Variants in VDAC1 observed in about 807,000 individuals in gnomAD.
VDAC1 encodes the protein non-selective voltage-gated ion channel VDAC1.
Under a neutral mutation model 34.7 loss-of-function variants are expected in VDAC1, and 10 were observed. That is an observed-to-expected ratio of 0.29 (90% CI 0.18 to 0.49). The LOEUF (loss-of-function observed/expected upper bound fraction) is 0.49, where lower values mean the gene tolerates loss of function less well. Among genes scored for constraint, VDAC1 ranks in the 20% least tolerant of loss-of-function variants. VDAC1 has a pLI of 0.99. For missense variants in VDAC1, 230 were observed against 347.9 expected (o/e 0.66, Z 2.69); for synonymous variants, 130 against 136.0 (o/e 0.96, Z 0.30).
At chr5:134,027,211 G>A in the VDAC1 span, among the ~76,000 whole-genome samples, 2 of 152,164 alleles carry the variant, frequency 1.3e-5, no homozygotes, top group Admixed American at 1.3e-4. Context: ...AGAGTCAATG[G>A]CCTGCAAAGT....
chr5:133,980,689 A>AGCCCCCCC, intron 6 of VDAC1, 40 bp downstream of exon 6: 2 of 564,058 alleles, frequency 3.5e-6, no homozygotes, highest in Admixed American at 2.5e-5. Context: ...ACATGCTCCA[A>AGCCCCCCC]CCCCACCCCT....
chr5:133,987,300 G>T (rs546765341), intron 5 of VDAC1, among the ~76,000 whole-genome samples: 104 of 152,060 alleles, frequency 6.8e-4, no homozygotes, highest in Non-Finnish European at 1.3e-3. Context: ...GGCAGAGGTT[G>T]CAATGAGCCG....
chr5:133,976,939 G>C (rs559217133), intron 6 of VDAC1, among the ~76,000 whole-genome samples: 9 of 152,314 alleles, frequency 5.9e-5, no homozygotes, highest in East Asian at 5.8e-4. Context: ...AGCAACCTGG[G>C]GGGGTGAGGC....
At chr5:134,072,230 A>C in the VDAC1 span, among the ~76,000 whole-genome samples, 2 of 152,154 alleles carry the variant, frequency 1.3e-5, no homozygotes, top group Admixed American at 1.3e-4. Flanking sequence ...CATGAACAAT[A>C]ACCAGTCAAG....
chr5:134,028,806 C>G, the VDAC1 span, among the ~76,000 whole-genome samples: 1 of 152,206 alleles, frequency 6.6e-6, no homozygotes, highest in African/African-American at 2.4e-5. Flanking sequence ...CCTGTATCAT[C>G]TGCCCAATCA....
At chr5:134,038,171 A>C in the VDAC1 span, among the ~76,000 whole-genome samples, 58 of 152,332 alleles carry the variant, frequency 3.8e-4, no homozygotes, top group African/African-American at 1.3e-3. Context: ...AGTACAATGG[A>C]GAATACAAAA....
At chr5:134,000,332 A>C (rs1753496158) in intron 1 of VDAC1, among the ~76,000 whole-genome samples, 1 of 152,130 alleles carries the variant, frequency 6.6e-6, no homozygotes, top group Non-Finnish European at 1.5e-5. Flanking sequence ...TTCTATTTTG[A>C]AACACCCTGG....
chr5:134,036,717 G>A, the VDAC1 span, among the ~76,000 whole-genome samples: 3 of 151,658 alleles, frequency 2.0e-5, no homozygotes, highest in African/African-American at 4.8e-5. Context: ...ACTTTGGGAG[G>A]CTGAGGCAGG....
the VDAC1 span, among the ~76,000 whole-genome samples, chr5:134,010,677 G>C: frequency 2.0e-5 from 3 of 152,136 alleles, no homozygotes; most frequent in Admixed American, 1.3e-4. Context: ...TCTATGTTCA[G>C]TATTACTTCA....
chr5:134,004,073 G>A (rs1753663532), intron 1 of VDAC1, among the ~76,000 whole-genome samples: 1 of 152,218 alleles, frequency 6.6e-6, no homozygotes, highest in Non-Finnish European at 1.5e-5. Context: ...GGCGCGTTCC[G>A]CTCTAGAAGG....
the VDAC1 span, among the ~76,000 whole-genome samples, chr5:134,078,645 A>ATTT: frequency 1.3e-5 from 1 of 78,776 alleles, no homozygotes; most frequent in African/African-American, 7.5e-5. Flanking sequence ...TCCCTCAAGC[A>ATTT]TCTTTTTTTT....
the VDAC1 span, among the ~76,000 whole-genome samples, chr5:134,070,115 G>A: frequency 6.6e-6 from 1 of 151,950 alleles, no homozygotes; most frequent in Non-Finnish European, 1.5e-5. Context: ...TGCTCTGTCT[G>A]TGAAGTAGCC....
intron 1 of VDAC1, among the ~76,000 whole-genome samples, chr5:133,994,790 C>T (rs928218293): frequency 6.6e-6 from 1 of 152,140 alleles, no homozygotes; most frequent in Non-Finnish European, 1.5e-5. Flanking sequence ...AACCAAGTAC[C>T]CCTCTTCAGT....
chr5:134,008,234 A>T (rs1179918931), upstream of VDAC1, among the ~76,000 whole-genome samples: 1 of 152,126 alleles, frequency 6.6e-6, no homozygotes, highest in Non-Finnish European at 1.5e-5. Context: ...GACTCCCTGA[A>T]AATGAAGTAA....
the VDAC1 span, among the ~76,000 whole-genome samples, chr5:134,067,364 C>T: frequency 4.0e-5 from 6 of 148,938 alleles, no homozygotes; most frequent in Admixed American, 1.3e-4. Context: ...TGTGAGCCAC[C>T]GCTCCCAGTC....
the VDAC1 span, among the ~76,000 whole-genome samples, chr5:134,028,931 A>G: frequency 2.6e-5 from 4 of 152,150 alleles, no homozygotes; most frequent in African/African-American, 9.7e-5. Context: ...ACTCTCCTGG[A>G]TCCCTCATCC....
chr5:134,033,114 T>C, the VDAC1 span, among the ~76,000 whole-genome samples: 1 of 150,398 alleles, frequency 6.6e-6, no homozygotes, highest in Non-Finnish European at 1.5e-5. Flanking sequence ...AAAGAAAATA[T>C]ACATGTATAT....
In VDAC1 at chr5:133,986,465, C is replaced by G. The variant is rs1752910645; in HGVS notation, c.323+4390G>C. Among the ~76,000 whole-genome samples the G allele has an allele frequency of 1.3e-5, 2 of 151,912 alleles. 1 individual carries two copies. The highest frequency in any genetic ancestry group is 4.8e-5 in the African/African-American group (2 of 41,354). Reference sequence around the variant, plus strand: ...ACATTGGAGTGCAGTGGTACCATCTCGGCTCGCTGCAACCTCCACCTCCTG... The same window carrying G: ...ACATTGGAGTGCAGTGGTACCATCTGGGCTCGCTGCAACCTCCACCTCCTG... On this transcript the variant is annotated intron_variant, in intron 5 of 8. Coordinates refer to ENST00000265333, the MANE Select transcript of VDAC1 (RefSeq NM_003374.3).
the VDAC1 span, among the ~76,000 whole-genome samples, chr5:134,033,887 G>A: frequency 2.6e-5 from 4 of 152,018 alleles, no homozygotes; most frequent in Non-Finnish European, 5.9e-5. Flanking sequence ...AGCTACTTGG[G>A]AGGCTGAGGC....
Sources: allele counts gnomAD v4.1 joint callset (sites outside exome capture counted in the v4.1 genomes callset), GRCh38; gene constraint gnomAD v4.1.1; transcripts MANE v1.5; gene names NCBI Gene and HGNC (gene_info 2026-07-23, HGNC 2026-07-21).